The following RBFOX1 variants were observed in gnomAD, a reference collection of about 807,000 sequenced individuals.
RBFOX1 encodes RNA binding protein fox-1 homolog 1.
RBFOX1 carries 8 observed loss-of-function variants against 57.7 expected under a neutral mutation model. The observed-to-expected ratio is 0.14, with a 90% CI of 0.08 to 0.25. The LOEUF is 0.25. Among genes scored for constraint, RBFOX1 ranks in the 10% least tolerant of loss-of-function variants. RBFOX1 has a pLI of 1.00. For missense variants in RBFOX1, 611 were observed against 548.5 expected, an observed-to-expected ratio of 1.11 and a Z score of -1.14; for synonymous variants, 326 against 222.4, an observed-to-expected ratio of 1.47 and a Z score of -4.15.
chr16:6,170,659 AC>A (rs1236780434), intron 1 of RBFOX1, among the ~76,000 whole-genome samples: 1 of 152,170 alleles, frequency 6.6e-6, no homozygotes, highest in Non-Finnish European at 1.5e-5. Context: ...AACCCGTGTC[AC>A]GGGGGTTTGT....
chr16:5,290,754 A>G (rs906583635), intron 1 of RBFOX1, among the ~76,000 whole-genome samples: 24 of 151,060 alleles, frequency 1.6e-4, no homozygotes, highest in African/African-American at 4.6e-4. Flanking sequence ...GCTGGAGTAG[A>G]GTGGTGTGAT....
At chr16:6,280,032 T>G (rs1001320327) in intron 1 of RBFOX1, among the ~76,000 whole-genome samples, 1 of 151,806 alleles carries the variant, frequency 6.6e-6, no homozygotes, top group Non-Finnish European at 1.5e-5. Context: ...GTTAGAAATA[T>G]GAGCAGAAAA....
chr16:6,480,864 CTTTA>C (rs2095361342), intron 2 of RBFOX1, among the ~76,000 whole-genome samples: 1 of 151,980 alleles, frequency 6.6e-6, no homozygotes, highest in African/African-American at 2.4e-5. Context: ...TCATATGTGG[CTTTA>C]TTTGATTCTT....
At chr16:5,980,171 C>A (rs113213713) in intron 4 of RBFOX1, among the ~76,000 whole-genome samples, 3,583 of 152,322 alleles carry the variant, frequency 0.024, 76 homozygotes, top group Non-Finnish European at 0.031. Context: ...TATTTAGCTT[C>A]GGGCATAAAG....
intron 3 of RBFOX1, among the ~76,000 whole-genome samples, chr16:6,986,719 G>C (rs1432337071): frequency 6.6e-6 from 1 of 151,608 alleles, no homozygotes; most frequent in South Asian, 2.1e-4. Context: ...GCAAATTCTT[G>C]ATGGGTATCT....
chr16:5,705,548 TGACATTAGTACACACAATTTGTTTTTTG>T (rs1355198247), intron 3 of RBFOX1, among the ~76,000 whole-genome samples: 3 of 152,316 alleles, frequency 2.0e-5, no homozygotes, highest in Admixed American at 2.0e-4. Flanking sequence ...AGCGAAACAT[TGACATTAGTACACACAATTTGTTTTTTG>T]GACTAACAGC....
intron 3 of RBFOX1, among the ~76,000 whole-genome samples, chr16:5,677,983 C>T (rs180837276): frequency 9.3e-4 from 142 of 152,298 alleles, no homozygotes; most frequent in Admixed American, 2.2e-3. Context: ...GGTGGAGCAC[C>T]GTGGGGCTCT....
intron 1 of RBFOX1, among the ~76,000 whole-genome samples, chr16:6,262,491 T>C (rs1209238112): frequency 6.6e-6 from 1 of 152,108 alleles, no homozygotes; most frequent in Non-Finnish European, 1.5e-5. Context: ...TCATCCATAT[T>C]GAGGGAGGCA....
At chr16:6,802,793 G>C (rs974932836) in intron 3 of RBFOX1, among the ~76,000 whole-genome samples, 2 of 152,214 alleles carry the variant, frequency 1.3e-5, no homozygotes, top group Admixed American at 6.5e-5. Flanking sequence ...TACTCTTGAA[G>C]TAGGCTGACC....
intron 3 of RBFOX1, among the ~76,000 whole-genome samples, chr16:5,831,813 C>T (rs2056285686): frequency 1.3e-5 from 2 of 152,208 alleles, no homozygotes; most frequent in South Asian, 2.1e-4. Flanking sequence ...ACTGTCTTCA[C>T]TATATAGTGG....
intron 3 of RBFOX1, among the ~76,000 whole-genome samples, chr16:6,931,723 C>T (rs1285514214): frequency 1.3e-5 from 2 of 152,186 alleles, no homozygotes; most frequent in Non-Finnish European, 2.9e-5. Context: ...CTAACCCTCC[C>T]TGTTGCTTGT....
chr16:5,841,901 C>T (rs1447989178), intron 3 of RBFOX1, among the ~76,000 whole-genome samples: 1 of 152,338 alleles, frequency 6.6e-6, no homozygotes, highest in East Asian at 1.9e-4. Context: ...AGCCGAGAGT[C>T]TCAAGTCTGA....
intron 4 of RBFOX1, among the ~76,000 whole-genome samples, chr16:7,268,397 T>A (rs1413919910): frequency 1.3e-5 from 2 of 152,192 alleles, no homozygotes; most frequent in African/African-American, 2.4e-5. Context: ...TCACTCTTAC[T>A]GGTTTTCGAT....
Position 6,674,639 on chromosome 16 carries a change from G to T in RBFOX1, c.-16+19989G>T, listed in dbSNP as rs181301979. On this transcript the variant is annotated intron_variant, in intron 3 of 15. Coordinates refer to ENST00000550418, the MANE Select transcript of RBFOX1 (RefSeq NM_018723.4). The stretch of plus-strand genomic sequence containing the variant: ...GCCCAGCCCGAATGGGCTCTTATAA[G>T]ATGGAGACCTGGAGATGTACGAATG... Among the ~76,000 whole-genome samples the T allele has an allele frequency of 1.7e-4, 26 of 152,234 alleles. No individual in the cohort carries two copies. In the East Asian group the frequency reaches 4.5e-3, roughly 26 times the overall value.
intron 1 of RBFOX1, among the ~76,000 whole-genome samples, chr16:6,255,880 G>A (rs370810274): frequency 2.0e-5 from 3 of 151,552 alleles, no homozygotes; most frequent in South Asian, 2.1e-4. Context: ...GTCACACACC[G>A]GGGCCTGTAC....
intron 3 of RBFOX1, among the ~76,000 whole-genome samples, chr16:6,719,495 C>T (rs984820223): frequency 1.3e-5 from 2 of 151,108 alleles, no homozygotes; most frequent in African/African-American, 4.9e-5. Context: ...GGATGGGGTG[C>T]AGTGGCATGA....
intron 3 of RBFOX1, among the ~76,000 whole-genome samples, chr16:6,954,071 C>G (rs61135990): frequency 0.23 from 34,578 of 151,942 alleles, 4,095 homozygotes; most frequent in South Asian, 0.26. Flanking sequence ...TCTCTGTCAA[C>G]AAGGCGGTAA....
At chr16:7,667,151 C>T (rs1425083496) in intron 13 of RBFOX1, among the ~76,000 whole-genome samples, 3 of 152,186 alleles carry the variant, frequency 2.0e-5, no homozygotes, top group Non-Finnish European at 4.4e-5. Flanking sequence ...GCACATGTTT[C>T]TGTCCTGTCT....
At chr16:7,107,661 C>G (rs1276120675) in intron 4 of RBFOX1, among the ~76,000 whole-genome samples, 1 of 152,112 alleles carries the variant, frequency 6.6e-6, no homozygotes, top group Non-Finnish European at 1.5e-5. Flanking sequence ...AAAACAACCA[C>G]CAATCCACTT....
Sources: gnomAD v4.1 joint callset for allele counts (sites outside exome capture counted in the v4.1 genomes callset) on GRCh38, gnomAD v4.1.1 for gene constraint, MANE v1.5 for transcripts, NCBI Gene and HGNC (gene_info 2026-07-23, HGNC 2026-07-21) for gene names.